The following PLEKHG1 variants were observed in gnomAD, a reference collection of about 807,000 sequenced individuals.
PLEKHG1 encodes the protein pleckstrin homology and RhoGEF domain containing G1, also known as pleckstrin homology domain-containing family G member 1.
Under a neutral mutation model 100.8 loss-of-function variants are expected in PLEKHG1, and 44 were observed. The ratio of observed to expected loss-of-function variants is 0.44; its 90% confidence interval spans 0.34 to 0.56. The LOEUF (loss-of-function observed/expected upper bound fraction) is 0.56. PLEKHG1 is among the 20% of genes least tolerant of loss of function. The probability of loss-of-function intolerance (pLI) is 0.01; values close to 1 mark genes in which losing one functional copy is unlikely to be tolerated. For synonymous variants in PLEKHG1, 640 were observed against 662.5 expected (o/e 0.97, Z 0.52); for missense variants, 1,545 against 1,720.9 (o/e 0.90, Z 1.81).
chr6:150,818,076 C>T lies in PLEKHG1; in HGVS notation c.1279-107C>T, dbSNP rs1776084607. On this transcript the variant is annotated intron_variant, in intron 10 of 15. Coordinates refer to ENST00000358517, the Ensembl canonical transcript of PLEKHG1. ...TTAACATAAATAGCGAGTTTTTAAACGTTTTTAAAAATCTATTTATTCAGG... is the reference window on the plus strand; with the variant it reads ...TTAACATAAATAGCGAGTTTTTAAATGTTTTTAAAAATCTATTTATTCAGG... The T allele has an allele frequency of 1.8e-5, 16 of 889,216 alleles. No homozygotes were observed. In the South Asian group the frequency reaches 2.3e-4, roughly 13 times the overall value. 55.1% of individuals were successfully genotyped at this position (889,216 alleles called of 1,614,324 possible).
At chr6:150,705,344 AT>A (rs1187176901) in intron 3 of PLEKHG1, among the ~76,000 whole-genome samples, 3 of 152,274 alleles carry the variant, frequency 2.0e-5, no homozygotes, top group Admixed American at 2.0e-4. Flanking sequence ...CTTTTAAAAA[AT>A]AAAATCCTGG....
intron 2 of PLEKHG1, among the ~76,000 whole-genome samples, chr6:150,767,444 A>G (rs746115512): frequency 3.6e-4 from 55 of 152,244 alleles, no homozygotes; most frequent in Admixed American, 1.7e-3. Context: ...ATGCATGACA[A>G]TGATTTTAGT....
chr6:150,839,197 C>G (rs963830411), intron 15 of PLEKHG1, among the ~76,000 whole-genome samples: 6 of 152,170 alleles, frequency 3.9e-5, no homozygotes, highest in African/African-American at 1.4e-4. Context: ...TCACTGCAGC[C>G]TCCGCCTCCC....
At chr6:150,832,796 T>C (rs1777022023) in intron 15 of PLEKHG1, among the ~76,000 whole-genome samples, 1 of 142,402 alleles carries the variant, frequency 7.0e-6, no homozygotes, top group Non-Finnish European at 1.5e-5. Flanking sequence ...TCCTCCCACC[T>C]CAGCCTCCTG....
At chr6:150,615,715 A>G (rs1379264630) in intron 1 of PLEKHG1, among the ~76,000 whole-genome samples, 1 of 152,208 alleles carries the variant, frequency 6.6e-6, no homozygotes, top group African/African-American at 2.4e-5. Flanking sequence ...GAATAAGCAG[A>G]CCGGATATGA....
At chr6:150,671,121 A>C (rs1041924816) in intron 3 of PLEKHG1, among the ~76,000 whole-genome samples, 3 of 151,174 alleles carry the variant, frequency 2.0e-5, no homozygotes, top group Non-Finnish European at 4.4e-5. Context: ...ACACACACAC[A>C]CCAGTTTATT....
chr6:150,652,760 T>G (rs1024838639), intron 3 of PLEKHG1, among the ~76,000 whole-genome samples: 2 of 152,008 alleles, frequency 1.3e-5, no homozygotes. Context: ...GGTTTATACT[T>G]TCAATTTTAT....
At chr6:150,751,066 T>C (rs1055235695) in intron 2 of PLEKHG1, among the ~76,000 whole-genome samples, 14 of 152,232 alleles carry the variant, frequency 9.2e-5, no homozygotes, top group Non-Finnish European at 1.8e-4. Flanking sequence ...ATTCATATAA[T>C]AGTTGGACAA....
At chr6:150,677,696 C>T (rs897970729) in intron 3 of PLEKHG1, among the ~76,000 whole-genome samples, 6 of 150,864 alleles carry the variant, frequency 4.0e-5, no homozygotes, top group African/African-American at 1.5e-4. Context: ...ATAGTGAGAT[C>T]CCGTCTCTAA....
intron 2 of PLEKHG1, among the ~76,000 whole-genome samples, chr6:150,646,193 G>C (rs1778491693): frequency 6.6e-6 from 1 of 152,192 alleles, no homozygotes; most frequent in African/African-American, 2.4e-5. Context: ...GTTTCTACAT[G>C]TTGGCTTATC....
chr6:150,708,561 T>C (rs1420502816), intron 3 of PLEKHG1, among the ~76,000 whole-genome samples: 1 of 152,220 alleles, frequency 6.6e-6, no homozygotes, highest in Non-Finnish European at 1.5e-5. Context: ...CAAAGACCCT[T>C]CTAGTCTCAC....
chr6:150,716,124 A>AG (rs1338836749), upstream of PLEKHG1, among the ~76,000 whole-genome samples: 2 of 149,582 alleles, frequency 1.3e-5, 1 homozygote, highest in Non-Finnish European at 3.0e-5. Context: ...AAAAAAAAAG[A>AG]AAAGAAAATG....
chr6:150,608,931 C>T (rs1776712036), intron 1 of PLEKHG1, among the ~76,000 whole-genome samples: 1 of 152,052 alleles, frequency 6.6e-6, no homozygotes, highest in Non-Finnish European at 1.5e-5. Flanking sequence ...ACAAAGGAAG[C>T]CTTTGATAAA....
intron 4 of PLEKHG1, among the ~76,000 whole-genome samples, chr6:150,793,424 A>G (rs1334571200): frequency 6.6e-6 from 1 of 152,186 alleles, no homozygotes; most frequent in Admixed American, 6.5e-5. Flanking sequence ...AGAATTAAAC[A>G]TTTATTCTGC....
intron 11 of PLEKHG1, 24 bp downstream of exon 12, chr6:150,818,240 A>G (rs753666842): frequency 1.3e-6 from 2 of 1,520,864 alleles, no homozygotes; most frequent in East Asian, 4.5e-5. Context: ...CCTTAAAACA[A>G]TTTGAAATTT....
intron 3 of PLEKHG1, among the ~76,000 whole-genome samples, chr6:150,693,317 C>A (rs1184935863): frequency 2.6e-5 from 4 of 152,034 alleles, no homozygotes; most frequent in African/African-American, 9.7e-5. Context: ...AAACAAAAAA[C>A]CTATGTGTGA....
In PLEKHG1 at chr6:150,738,607, A is replaced by G. The variant is rs541161051; in HGVS notation, c.411+4515A>G. 3.9e-5 allele frequency among the ~76,000 whole-genome samples: 6 copies of G among 152,282 alleles called. No individual in the cohort carries two copies. The South Asian group carries it at 1.2e-3, about 32-fold the overall frequency. On this transcript the variant is annotated intron_variant, in intron 2 of 15. Coordinates refer to ENST00000358517, the Ensembl canonical transcript of PLEKHG1. ...TATGCCATTTAGGAATTCAGAAATGAATTCCTAATGCTTTCTGAAAGTTGA... is the reference window on the plus strand; with the variant it reads ...TATGCCATTTAGGAATTCAGAAATGGATTCCTAATGCTTTCTGAAAGTTGA...
At chr6:150,825,245 T>C (rs1417945238) in intron 14 of PLEKHG1, among the ~76,000 whole-genome samples, 1 of 152,166 alleles carries the variant, frequency 6.6e-6, no homozygotes, top group African/African-American at 2.4e-5. Context: ...GCTGAAGGTA[T>C]ATTAAATTCA....
intron 2 of PLEKHG1, among the ~76,000 whole-genome samples, chr6:150,751,653 G>T (rs1783516378): frequency 6.6e-6 from 1 of 152,174 alleles, no homozygotes; most frequent in Non-Finnish European, 1.5e-5. Flanking sequence ...TAATTATTTG[G>T]TTTCTTAGCC....
Sources: allele counts gnomAD v4.1 joint callset (sites outside exome capture counted in the v4.1 genomes callset), GRCh38; gene constraint gnomAD v4.1.1; transcripts MANE v1.5; gene names NCBI Gene and HGNC (gene_info 2026-07-23, HGNC 2026-07-21).